The following DPH6 variants were observed in gnomAD, a reference collection of about 807,000 sequenced individuals.
DPH6 encodes diphthine--ammonia ligase.
A neutral mutation model predicts 38.2 loss-of-function variants in DPH6; 33 were observed. That is an observed-to-expected ratio of 0.86 (90% CI 0.65 to 1.15). The LOEUF is 1.15. Ranked by LOEUF, DPH6 falls within the 50% of genes most tolerant of loss-of-function variation. The pLI, the probability that DPH6 is intolerant of heterozygous loss-of-function variation, is 0.00. For missense variants in DPH6, 325 were observed against 320.0 expected, an observed-to-expected ratio of 1.02 and a Z score of -0.12; for synonymous variants, 108 against 103.0, an observed-to-expected ratio of 1.05 and a Z score of -0.30.
chr15:35,434,377 C>CA (rs1171244131), intron 5 of DPH6, among the ~76,000 whole-genome samples: 3 of 151,802 alleles, frequency 2.0e-5, no homozygotes, highest in Admixed American at 1.3e-4. Flanking sequence ...GCCAAAACAA[C>CA]AGAGGGCACT....
chr15:35,174,588 G>T, the DPH6 span, among the ~76,000 whole-genome samples: 1 of 152,318 alleles, frequency 6.6e-6, no homozygotes, highest in African/African-American at 2.4e-5. Context: ...TACTTTGAGA[G>T]AAATGTTTTT....
chr15:35,543,212 A>G (rs993993926), intron 1 of DPH6, among the ~76,000 whole-genome samples: 1 of 144,338 alleles, frequency 6.9e-6, no homozygotes, highest in Non-Finnish European at 1.5e-5. Flanking sequence ...CAGCACTATC[A>G]GCACTTCAGC....
chr15:35,192,394 ACCTTAT>A, the DPH6 span, among the ~76,000 whole-genome samples: 2 of 152,104 alleles, frequency 1.3e-5, no homozygotes, highest in Non-Finnish European at 2.9e-5. Context: ...CCTTTATTCT[ACCTTAT>A]CCTTTGACCC....
At chr15:35,462,718 A>T (rs928229362) in intron 3 of DPH6, among the ~76,000 whole-genome samples, 1 of 152,180 alleles carries the variant, frequency 6.6e-6, no homozygotes, top group Non-Finnish European at 1.5e-5. Flanking sequence ...ACTACCTAAA[A>T]TTATATCATT....
intron 6 of DPH6, chr15:35,401,368 A>C: frequency 1.3e-6 from 1 of 750,440 alleles, no homozygotes; most frequent in South Asian, 1.4e-5. Context: ...GTATGGCGGC[A>C]GTGGGAATGG....
intron 6 of DPH6, among the ~76,000 whole-genome samples, chr15:35,397,333 T>C (rs187017477): frequency 1.1e-4 from 17 of 152,346 alleles, no homozygotes; most frequent in Non-Finnish European, 2.2e-4. Flanking sequence ...TTTAAAAATA[T>C]AATTTTGCTC....
chr15:35,298,065 G>A (rs530090729), intron 3 of DPH6, among the ~76,000 whole-genome samples: 23 of 151,678 alleles, frequency 1.5e-4, no homozygotes, highest in Admixed American at 1.5e-3. Context: ...TTTGTAAACG[G>A]ATTTTTATAC....
intron 3 of DPH6, among the ~76,000 whole-genome samples, chr15:35,527,448 C>T (rs969540363): frequency 5.3e-5 from 8 of 152,088 alleles, no homozygotes; most frequent in African/African-American, 2.4e-5. Flanking sequence ...AATATAATCC[C>T]TATTCCTCAA....
chr15:35,289,517 G>T (rs1321796772), intron 3 of DPH6, among the ~76,000 whole-genome samples: 2 of 152,004 alleles, frequency 1.3e-5, no homozygotes, highest in Non-Finnish European at 2.9e-5. Context: ...CCAGAAAACT[G>T]CCTTCAATAA....
chr15:35,487,984 A>C (rs2054427433), intron 3 of DPH6, among the ~76,000 whole-genome samples: 1 of 152,094 alleles, frequency 6.6e-6, no homozygotes, highest in South Asian at 2.1e-4. Context: ...ATCTCTCTCA[A>C]GTTCAATGTT....
intron 3 of DPH6, among the ~76,000 whole-genome samples, chr15:35,256,326 T>A (rs1028176785): frequency 1.3e-5 from 2 of 152,186 alleles, no homozygotes; most frequent in Admixed American, 1.3e-4. Flanking sequence ...CTGAGTTTCC[T>A]GGTTTTGATG....
intron 3 of DPH6, among the ~76,000 whole-genome samples, chr15:35,255,351 G>C (rs998735930): frequency 6.6e-6 from 1 of 152,156 alleles, no homozygotes; most frequent in Non-Finnish European, 1.5e-5. Flanking sequence ...CCATCCATTG[G>C]TTTGAGAATC....
At chr15:35,170,023 T>G in the DPH6 span, among the ~76,000 whole-genome samples, 1 of 152,226 alleles carries the variant, frequency 6.6e-6, no homozygotes, top group Non-Finnish European at 1.5e-5. Context: ...GACATACAAC[T>G]GCATTTTAAA....
At chr15:35,402,890 TATA>T (rs1302636625) in intron 6 of DPH6, among the ~76,000 whole-genome samples, 2 of 152,156 alleles carry the variant, frequency 1.3e-5, no homozygotes, top group East Asian at 1.9e-4. Context: ...ACAGATAACT[TATA>T]ATATCTTATA....
At chr15:35,482,066 G>T (rs2141151396) in intron 3 of DPH6, among the ~76,000 whole-genome samples, 1 of 152,284 alleles carries the variant, frequency 6.6e-6, no homozygotes, top group East Asian at 1.9e-4. Flanking sequence ...ATAACAAGGT[G>T]GGGCAAGCTG....
intron 3 of DPH6, chr15:35,522,054 A>C (rs755184818): frequency 7.5e-5 from 120 of 1,592,628 alleles, no homozygotes; most frequent in Non-Finnish European, 1.0e-4. Flanking sequence ...AAGTTTTTAA[A>C]CAGGAAAAGG....
intron 3 of DPH6, among the ~76,000 whole-genome samples, chr15:35,530,835 C>G (rs145028186): frequency 1.3e-5 from 2 of 152,328 alleles, no homozygotes; most frequent in African/African-American, 4.8e-5. Flanking sequence ...AGATGTGGCA[C>G]AGCCTCAATA....
At chr15:35,519,863 T>C (rs1192872919) in intron 3 of DPH6, 1 of 151,622 alleles carries the variant, frequency 6.6e-6, no homozygotes, top group Admixed American at 6.6e-5. Context: ...AACTAAAATG[T>C]ATGTTTTTCT....
intron 5 of DPH6, among the ~76,000 whole-genome samples, chr15:35,428,848 C>A (rs1395667037): frequency 1.3e-5 from 2 of 152,098 alleles, no homozygotes; most frequent in Non-Finnish European, 2.9e-5. Flanking sequence ...ACTCTCTACT[C>A]ACCGAATTAC....
Sources: gnomAD v4.1 joint callset for allele counts (sites outside exome capture counted in the v4.1 genomes callset) on GRCh38, gnomAD v4.1.1 for gene constraint, MANE v1.5 for transcripts, NCBI Gene and HGNC (gene_info 2026-07-23, HGNC 2026-07-21) for gene names.